The following NPHS2 variants were observed in gnomAD, a reference collection of about 807,000 sequenced individuals.
NPHS2 encodes podocin.
In NPHS2, 36 loss-of-function variants were observed where a neutral mutation model predicts 37.1. The observed-to-expected ratio is 0.97, with a 90% CI of 0.74 to 1.28. The LOEUF (loss-of-function observed/expected upper bound fraction) is 1.28. NPHS2 is among the 50% of genes most tolerant of loss of function. NPHS2 has a pLI of 0.00. For missense variants in NPHS2, 447 were observed against 488.1 expected (o/e 0.92, Z 0.79); for synonymous variants, 196 against 189.3 (o/e 1.04, Z -0.29).
At chr1:179,560,898 C>T (rs769655511) in intron 3 of NPHS2, among the ~76,000 whole-genome samples, 1 of 152,240 alleles carries the variant, frequency 6.6e-6, no homozygotes, top group Non-Finnish European at 1.5e-5. Flanking sequence ...TATTTGAATG[C>T]TGAACTTTGC....
chr1:179,560,991 T>C (rs539727833), intron 3 of NPHS2, among the ~76,000 whole-genome samples: 1 of 152,374 alleles, frequency 6.6e-6, no homozygotes, highest in Admixed American at 6.5e-5. Flanking sequence ...TCTGACCATA[T>C]ACACATCGTA....
intron 6 of NPHS2, among the ~76,000 whole-genome samples, chr1:179,554,053 C>T (rs1364944563): frequency 6.6e-6 from 1 of 151,900 alleles, no homozygotes; most frequent in African/African-American, 2.4e-5. Flanking sequence ...GCTGGGATTA[C>T]AGGCATGTGC....
intron 2 of NPHS2, among the ~76,000 whole-genome samples, chr1:179,563,289 C>A (rs1182707433): frequency 2.0e-5 from 3 of 152,096 alleles, no homozygotes; most frequent in African/African-American, 7.2e-5. Context: ...CAATGATAAG[C>A]ATAGATGCAT....
intron 2 of NPHS2, among the ~76,000 whole-genome samples, chr1:179,562,250 C>T (rs1674170004): frequency 6.6e-6 from 1 of 152,148 alleles, no homozygotes; most frequent in Non-Finnish European, 1.5e-5. Flanking sequence ...AGTTACTGCA[C>T]ACTACTTTAA....
intron 1 of NPHS2, among the ~76,000 whole-genome samples, chr1:179,567,106 G>A (rs1674364164): frequency 6.6e-6 from 1 of 152,182 alleles, no homozygotes; most frequent in South Asian, 2.1e-4. Context: ...TGTGAAGAAA[G>A]TCATTGGTAG....
intron 4 of NPHS2, among the ~76,000 whole-genome samples, chr1:179,558,691 T>G (rs527856789): frequency 6.6e-6 from 1 of 152,318 alleles, no homozygotes; most frequent in African/African-American, 2.4e-5. Flanking sequence ...CATTTTACAT[T>G]TTCCTACCAA....
At chr1:179,567,606 G>A (rs541305267) in intron 1 of NPHS2, among the ~76,000 whole-genome samples, 79 of 152,168 alleles carry the variant, frequency 5.2e-4, no homozygotes, top group African/African-American at 1.9e-3. Context: ...ACACTATGTC[G>A]AATAGGGTGG....
intron 4 of NPHS2, among the ~76,000 whole-genome samples, chr1:179,559,120 G>A (rs2125786200): frequency 6.6e-6 from 1 of 152,252 alleles, no homozygotes; most frequent in Non-Finnish European, 1.5e-5. Flanking sequence ...GAAGACCCAG[G>A]GAAGAGTTTA....
intron 5 of NPHS2, among the ~76,000 whole-genome samples, chr1:179,555,442 G>C (rs1029299071): frequency 6.6e-6 from 1 of 152,156 alleles, no homozygotes; most frequent in African/African-American, 2.4e-5. Flanking sequence ...GTGGATTCTG[G>C]AAAGGAGGGG....
chr1:179,552,989 C>A lies in NPHS2; in HGVS notation c.795-308G>T, dbSNP rs185627119. ...GCTTAGGATATAATCTAAGCCCCAA[C>A]TAATAAATTTGAACAATGGCTTGAA... On this transcript the variant is annotated intron_variant, in intron 6 of 7. Transcript: ENST00000367615. Among the ~76,000 whole-genome samples, 306 of 152,264 alleles carry A rather than the reference C, an allele frequency of 2.0e-3. 1 individual carries two copies. Among genetic ancestry groups the A allele is most frequent in the Non-Finnish European group, 1.9e-3 (128 of 68,008 alleles).
intron 1 of NPHS2, among the ~76,000 whole-genome samples, chr1:179,568,801 G>A (rs1558351353): frequency 6.6e-6 from 1 of 152,018 alleles, no homozygotes; most frequent in African/African-American, 2.4e-5. Flanking sequence ...CCTTCATTTC[G>A]TGATTTACCC....
chr1:179,575,074 G>C lies in NPHS2; in HGVS notation c.274+517C>G, dbSNP rs1245427735. 2.6e-5 allele frequency among the ~76,000 whole-genome samples: 4 copies of C among 152,202 alleles called. No individual in the cohort carries two copies. The East Asian group carries it at 7.7e-4, about 29-fold the overall frequency. The stretch of plus-strand genomic sequence containing the variant: ...CACATGGCTAGCAAGTGGTTGAGCT[G>C]TGATTTAAACTCAGGTGTGGCTCTT... On this transcript the variant is annotated intron_variant, in intron 1 of 7. Coordinates refer to ENST00000367615, the MANE Select transcript of NPHS2 (RefSeq NM_014625.4).
At chr1:179,551,857 C>T (rs1426066359) in intron 7 of NPHS2, 2 of 225,722 alleles carry the variant, frequency 8.9e-6, no homozygotes, top group South Asian at 7.1e-5. Flanking sequence ...GAGCTCACTA[C>T]ACAAATGCTA....
chr1:179,551,407 C>T lies in NPHS2; in HGVS notation c.918G>A (p.Arg306=), dbSNP rs2125765355. 1 of 1,614,010 alleles carries T rather than the reference C, an allele frequency of 6.2e-7. No homozygotes were observed. The highest frequency in any genetic ancestry group is 1.1e-5 in the South Asian group (1 of 91,070). The part of the protein sequence containing the change: ...EAEKAASESL[R]MAAEILSGTP... ...TGCCTGACAGAATCTCAGCTGCCATCCTCAGGGACTCAGAAGCAGCCTTTT... is the reference window on the plus strand; with the variant it reads ...TGCCTGACAGAATCTCAGCTGCCATTCTCAGGGACTCAGAAGCAGCCTTTT... The change falls in exon 8 of 8, where the codon AGG becomes AGA. Residue 306 remains arginine (R), a synonymous_variant. Coordinates refer to ENST00000367615, the MANE Select transcript of NPHS2 (RefSeq NM_014625.4).
intron 1 of NPHS2, among the ~76,000 whole-genome samples, chr1:179,569,242 G>T (rs540144914): frequency 3.6e-4 from 54 of 151,906 alleles, no homozygotes; most frequent in African/African-American, 9.4e-4. Flanking sequence ...CTCCTGTATT[G>T]GGTGCATATA....
Position 179,556,251 on chromosome 1 carries a change from G to A in NPHS2, c.738+776C>T, listed in dbSNP as rs1180206790. ...TTGAGGTCCTCCTTCCAACTACCAT[G>A]GTTCACAACCTCCTAACCCAGTTCT... On this transcript the variant is annotated intron_variant, in intron 5 of 7. Coordinates refer to ENST00000367615, the MANE Select transcript of NPHS2 (RefSeq NM_014625.4). This position sits in a 1 kb window ranked among gnomAD's most constrained non-coding sequence, Gnocchi z 4.1. Among the ~76,000 whole-genome samples the A allele has an allele frequency of 1.3e-5, 2 of 152,178 alleles. No homozygotes were observed. The highest frequency in any genetic ancestry group is 4.8e-5 in the African/African-American group (2 of 41,452).
intron 1 of NPHS2, among the ~76,000 whole-genome samples, chr1:179,570,716 G>C (rs144352917): frequency 0.011 from 1,603 of 152,146 alleles, 32 homozygotes; most frequent in African/African-American, 0.036. Flanking sequence ...ACATAGATTT[G>C]GTCTTTTCAC....
At chr1:179,575,426 C>T (rs1038214126) in intron 1 of NPHS2, among the ~76,000 whole-genome samples, 165 bp downstream of exon 1, 1 of 152,206 alleles carries the variant, frequency 6.6e-6, no homozygotes, top group African/African-American at 2.4e-5. Flanking sequence ...CTCACCATAG[C>T]AGGTTGCTGG....
chr1:179,565,409 C>T (rs1572287080), intron 1 of NPHS2, among the ~76,000 whole-genome samples: 1 of 152,176 alleles, frequency 6.6e-6, no homozygotes, highest in Non-Finnish European at 1.5e-5. Context: ...GACCTTTTCA[C>T]GCCTCAGTTT....
Sources: allele counts gnomAD v4.1 joint callset (sites outside exome capture counted in the v4.1 genomes callset), GRCh38; gene constraint gnomAD v4.1.1; non-coding constraint Gnocchi (gnomAD v3.1); transcripts MANE v1.5; gene names NCBI Gene and HGNC (gene_info 2026-07-23, HGNC 2026-07-21).